KHDRBS2: variants seen among roughly 807,000 people sequenced by gnomAD.
The protein encoded by KHDRBS2 is KH domain-containing, RNA-binding, signal transduction-associated protein 2.
A neutral mutation model predicts 44.3 loss-of-function variants in KHDRBS2; 26 were observed. The ratio of observed to expected loss-of-function variants is 0.59; its 90% confidence interval spans 0.43 to 0.81. KHDRBS2 has a LOEUF of 0.81. Among genes scored for constraint, KHDRBS2 ranks in the 40% least tolerant of loss-of-function variants. The pLI, the probability that KHDRBS2 is intolerant of heterozygous loss-of-function variation, is 0.00. For missense variants in KHDRBS2, 476 were observed against 433.1 expected (o/e 1.10, Z -0.88); for synonymous variants, 194 against 151.1 (o/e 1.28, Z -2.08).
At chr6:61,653,795 A>T in the KHDRBS2 span, among the ~76,000 whole-genome samples, 1 of 152,098 alleles carries the variant, frequency 6.6e-6, no homozygotes, top group Non-Finnish European at 1.5e-5. Flanking sequence ...AGTAAAATAA[A>T]AAAGATCATT....
chr6:61,658,815 A>G, the KHDRBS2 span, among the ~76,000 whole-genome samples: 4 of 151,936 alleles, frequency 2.6e-5, no homozygotes, highest in Admixed American at 6.6e-5. Context: ...CATCTTTTGC[A>G]TATAGGCACA....
chr6:61,750,066 A>G (rs527613396), intron 6 of KHDRBS2, among the ~76,000 whole-genome samples: 10 of 152,194 alleles, frequency 6.6e-5, no homozygotes, highest in Non-Finnish European at 1.5e-4. Context: ...CTGTGTGAAA[A>G]AGAGTAGAAG....
intron 5 of KHDRBS2, 79 bp downstream of exon 5, chr6:61,901,165 T>C: frequency 1.5e-6 from 2 of 1,354,742 alleles, no homozygotes; most frequent in Non-Finnish European, 2.1e-6. Context: ...TGTTTACTGC[T>C]AGTGATAATC....
intron 1 of KHDRBS2, among the ~76,000 whole-genome samples, chr6:62,267,924 A>G (rs1839464180): frequency 6.6e-6 from 1 of 152,114 alleles, no homozygotes; most frequent in Non-Finnish European, 1.5e-5. Context: ...TTGTAAAAAC[A>G]TAAGACGAAA....
intron 6 of KHDRBS2, among the ~76,000 whole-genome samples, chr6:61,847,630 C>T (rs1368109661): frequency 6.7e-6 from 1 of 149,436 alleles, no homozygotes; most frequent in Non-Finnish European, 1.5e-5. Context: ...CTATATAAAA[C>T]AGGGAGTTTT....
intron 2 of KHDRBS2, among the ~76,000 whole-genome samples, chr6:62,079,568 A>G (rs1797003018): frequency 1.3e-5 from 2 of 152,112 alleles, no homozygotes; most frequent in African/African-American, 2.4e-5. Flanking sequence ...CAGTTGTTGA[A>G]TTTCAAACAA....
the KHDRBS2 span, among the ~76,000 whole-genome samples, chr6:61,556,235 A>T: frequency 6.6e-6 from 1 of 152,194 alleles, no homozygotes; most frequent in Non-Finnish European, 1.5e-5. Context: ...TGATAGCAGC[A>T]TCGGGCAGGG....
At chr6:61,554,645 ACTGT>A in the KHDRBS2 span, among the ~76,000 whole-genome samples, 3 of 152,240 alleles carry the variant, frequency 2.0e-5, no homozygotes, top group African/African-American at 7.2e-5. Flanking sequence ...GTGGCTTGTA[ACTGT>A]CTTTCCTTTC....
At chr6:62,190,934 C>T (rs1824468150) in intron 1 of KHDRBS2, among the ~76,000 whole-genome samples, 1 of 152,086 alleles carries the variant, frequency 6.6e-6, no homozygotes, top group African/African-American at 2.4e-5. Flanking sequence ...CCTCAATTCA[C>T]TTTCCCATCA....
At chr6:61,593,177 A>G in the KHDRBS2 span, among the ~76,000 whole-genome samples, 3 of 152,218 alleles carry the variant, frequency 2.0e-5, no homozygotes, top group Middle Eastern at 3.2e-3. Flanking sequence ...AACTTTCTGC[A>G]TAATTCATAA....
chr6:61,799,360 T>C (rs1785893685), intron 6 of KHDRBS2, among the ~76,000 whole-genome samples: 1 of 151,866 alleles, frequency 6.6e-6, no homozygotes, highest in African/African-American at 2.4e-5. Flanking sequence ...TTTTGCATAG[T>C]TTTTTCTTTT....
chr6:61,701,708 C>G (rs1251222947), intron 7 of KHDRBS2, among the ~76,000 whole-genome samples: 1 of 151,918 alleles, frequency 6.6e-6, no homozygotes, highest in Non-Finnish European at 1.5e-5. Context: ...CAAAACAAAA[C>G]AAAACATTTC....
At chr6:61,752,649 C>A (rs1777867201) in intron 6 of KHDRBS2, among the ~76,000 whole-genome samples, 1 of 118,218 alleles carries the variant, frequency 8.5e-6, no homozygotes. Flanking sequence ...GTGCCAGGCA[C>A]TATTCTAGTG....
intron 2 of KHDRBS2, among the ~76,000 whole-genome samples, chr6:62,145,376 A>G (rs1302197664): frequency 1.3e-5 from 2 of 151,590 alleles, no homozygotes; most frequent in Admixed American, 6.6e-5. Flanking sequence ...TAAAGCTTAC[A>G]TCGCTTTTTC....
intron 6 of KHDRBS2, among the ~76,000 whole-genome samples, chr6:61,745,497 T>C (rs566044858): frequency 6.6e-6 from 1 of 152,274 alleles, no homozygotes; most frequent in South Asian, 2.1e-4. Flanking sequence ...ATTGTAGGCA[T>C]CCTTGCTGCT....
intron 6 of KHDRBS2, among the ~76,000 whole-genome samples, chr6:61,840,955 T>A: frequency 6.6e-6 from 1 of 152,152 alleles, no homozygotes; most frequent in East Asian, 1.9e-4. Flanking sequence ...AACTGTTTCA[T>A]GTGTTTTTAT....
At position 61,979,963 on chromosome 6, in the gene KHDRBS2, C is replaced by T. The variant is rs183094215; in HGVS notation, c.337-1751G>A. Among the ~76,000 whole-genome samples, 19 of 152,168 alleles carry T rather than the reference C, an allele frequency of 1.2e-4. No individual in the cohort carries two copies. In the Middle Eastern group the frequency reaches 0.01, roughly 82 times the overall value. On this transcript the variant is annotated intron_variant, in intron 3 of 8. Transcript: ENST00000281156. The stretch of plus-strand genomic sequence containing the variant: ...TACCCTCTCCTTACACCTAGAATTT[C>T]CTAGGGAACTGAAATAATTTTCAAC...
At position 61,746,634 on chromosome 6, in the gene KHDRBS2, A is replaced by G. The variant is rs907009372; in HGVS notation, c.811-13870T>C. Among the ~76,000 whole-genome samples the G allele has an allele frequency of 3.9e-5, 6 of 152,236 alleles. No individual in the cohort carries two copies. The South Asian group carries it at 8.3e-4, about 21-fold the overall frequency. On this transcript the variant is annotated intron_variant, in intron 6 of 8. Transcript: ENST00000281156. ...TAAACATACATGGGTATGTGTCTCTATAGAAGAATTTATATTCCTTTGGGT... is the reference window on the plus strand; with the variant it reads ...TAAACATACATGGGTATGTGTCTCTGTAGAAGAATTTATATTCCTTTGGGT...
the KHDRBS2 span, among the ~76,000 whole-genome samples, chr6:61,554,361 A>T: frequency 6.6e-6 from 1 of 151,968 alleles, no homozygotes; most frequent in African/African-American, 2.4e-5. Context: ...TTGCTTGGTA[A>T]ATTTTTCCCC....
Sources: gnomAD v4.1 joint callset for allele counts (sites outside exome capture counted in the v4.1 genomes callset) on GRCh38, gnomAD v4.1.1 for gene constraint, MANE v1.5 for transcripts, NCBI Gene and HGNC (gene_info 2026-07-23, HGNC 2026-07-21) for gene names.